MARCHF8: variants seen among roughly 807,000 people sequenced by gnomAD.
MARCHF8 encodes membrane associated ring-CH-type finger 8.
MARCHF8 carries 40 observed loss-of-function variants against 51.6 expected under a neutral mutation model. That is an observed-to-expected ratio of 0.77 (90% CI 0.60 to 1.01). The LOEUF (loss-of-function observed/expected upper bound fraction) is 1.01, where lower values mean the gene tolerates loss of function less well. Ranked by LOEUF, MARCHF8 falls within the 50% of genes least tolerant of loss-of-function variation. The probability of loss-of-function intolerance (pLI) is 0.00; values close to 1 mark genes in which losing one functional copy is unlikely to be tolerated. For missense variants in MARCHF8, 685 were observed against 708.6 expected, an observed-to-expected ratio of 0.97 and a Z score of 0.38; for synonymous variants, 263 against 280.3, an observed-to-expected ratio of 0.94 and a Z score of 0.62.
At position 45,459,196 on chromosome 10, in the gene MARCHF8, G is replaced by A; in HGVS notation, c.1341C>T (p.Ala447=). The change falls in exon 7 of 8, where the codon GCC becomes GCT. Residue 447 remains alanine (A), a synonymous_variant. Coordinates refer to ENST00000453424, the MANE Select transcript of MARCHF8 (RefSeq NM_001282866.2). ...ACAAGGACCAGACCACACATGTGATGGCAATGACGTGGAATGTCACTGAGC... is the reference window on the plus strand; with the variant it reads ...ACAAGGACCAGACCACACATGTGATAGCAATGACGTGGAATGTCACTGAGC... The part of the protein sequence containing the change: ...IMCSVTFHVI[A]ITCVVWSLYV... The A allele has an allele frequency of 6.2e-7, 1 of 1,614,058 alleles. No individual in the cohort carries two copies. The highest frequency in any genetic ancestry group is 8.5e-7 in the Non-Finnish European group (1 of 1,180,002).
In MARCHF8 at chr10:45,506,341, A is replaced by C. The variant is rs148523068; in HGVS notation, c.103-16924T>G. On this transcript the variant is annotated intron_variant, in intron 2 of 7. Coordinates refer to ENST00000453424, the MANE Select transcript of MARCHF8 (RefSeq NM_001282866.2). ...ATATTAAGTATAAGCATAGACTTTT[A>C]TTCTATTTGGGTACGTCATTCATAA... is the stretch of plus-strand genomic sequence containing the variant. Among the ~76,000 whole-genome samples the C allele has an allele frequency of 3.1e-3, 473 of 152,322 alleles. 1 individual carries two copies. Among genetic ancestry groups the C allele is most frequent in the African/African-American group, 0.011 (455 of 41,582 alleles).
At chr10:45,519,887 G>A (rs1216941822) in intron 2 of MARCHF8, among the ~76,000 whole-genome samples, 3 of 152,024 alleles carry the variant, frequency 2.0e-5, no homozygotes, top group African/African-American at 4.8e-5. Flanking sequence ...GAGCAAAGTC[G>A]GCAAAAGGAG....
intron 1 of MARCHF8, among the ~76,000 whole-genome samples, chr10:45,583,189 T>C (rs998709232): frequency 1.3e-5 from 2 of 152,180 alleles, no homozygotes; most frequent in African/African-American, 2.4e-5. Flanking sequence ...AATTTCAACA[T>C]TAATTTTAAG....
At chr10:45,496,696 G>C (rs1390354350) in intron 2 of MARCHF8, among the ~76,000 whole-genome samples, 2 of 152,020 alleles carry the variant, frequency 1.3e-5, no homozygotes, top group Non-Finnish European at 1.5e-5. Flanking sequence ...TAAAGAAATA[G>C]AGGTACATAG....
chr10:45,572,431 TAA>T (rs2044441339), intron 1 of MARCHF8, among the ~76,000 whole-genome samples: 1 of 152,136 alleles, frequency 6.6e-6, no homozygotes, highest in African/African-American at 2.4e-5. Context: ...ACACCTGACC[TAA>T]AACCTAAATG....
chr10:45,581,229 G>A lies in MARCHF8; in HGVS notation c.-79+13006C>T, dbSNP rs560353936. 3.9e-4 allele frequency among the ~76,000 whole-genome samples: 60 copies of A among 152,242 alleles called. 1 individual carries two copies. In the South Asian group the frequency reaches 0.012, roughly 32 times the overall value. On this transcript the variant is annotated intron_variant, in intron 1 of 6. Coordinates refer to the MARCHF8 transcript ENST00000319836. ...CACCTAGTAGGAAGAGGCCAGGGAT[G>A]CTACTGAACATCCTACAATACACAG...
intron 3 of MARCHF8, among the ~76,000 whole-genome samples, chr10:45,475,995 T>C (rs906794708): frequency 6.6e-6 from 1 of 152,104 alleles, no homozygotes; most frequent in Non-Finnish European, 1.5e-5. Flanking sequence ...ACAGAGACTA[T>C]ACTACTGCAC....
At chr10:45,572,055 G>A (rs1320022826) in intron 1 of MARCHF8, among the ~76,000 whole-genome samples, 1 of 152,280 alleles carries the variant, frequency 6.6e-6, no homozygotes, top group East Asian at 1.9e-4. Flanking sequence ...AGGGACACCT[G>A]CTTTGGCTGC....
chr10:45,500,003 G>A (rs189416668), intron 2 of MARCHF8, among the ~76,000 whole-genome samples: 32 of 152,208 alleles, frequency 2.1e-4, no homozygotes, highest in African/African-American at 6.3e-4. Flanking sequence ...GGATTATACC[G>A]AATATACAGA....
chr10:45,517,244 C>G (rs2043634542), intron 2 of MARCHF8, among the ~76,000 whole-genome samples: 1 of 152,182 alleles, frequency 6.6e-6, no homozygotes, highest in Non-Finnish European at 1.5e-5. Flanking sequence ...TTAGGGCCTC[C>G]TTCCATTCCC....
At chr10:45,554,836 C>T (rs1454951307) in intron 1 of MARCHF8, among the ~76,000 whole-genome samples, 2 of 152,206 alleles carry the variant, frequency 1.3e-5, no homozygotes, top group Non-Finnish European at 2.9e-5. Context: ...TAGCGGATTG[C>T]CTGAGGTCAA....
intron 1 of MARCHF8, among the ~76,000 whole-genome samples, chr10:45,551,343 A>G (rs2044192275): frequency 1.3e-5 from 2 of 152,298 alleles, no homozygotes; most frequent in South Asian, 4.1e-4. Flanking sequence ...AGATACACAG[A>G]AAGGATACCA....
At chr10:45,511,802 G>A (rs1196197035) in intron 2 of MARCHF8, among the ~76,000 whole-genome samples, 2 of 152,094 alleles carry the variant, frequency 1.3e-5, no homozygotes, top group African/African-American at 4.8e-5. Context: ...CCAAAGTGCC[G>A]AGATTGCAGC....
intron 3 of MARCHF8, among the ~76,000 whole-genome samples, chr10:45,474,018 T>C (rs186660074): frequency 4.6e-5 from 7 of 152,300 alleles, no homozygotes; most frequent in African/African-American, 1.7e-4. Context: ...TGTAATTCTC[T>C]ACCTAAGCTC....
intron 2 of MARCHF8, among the ~76,000 whole-genome samples, chr10:45,523,087 TAC>T (rs1434341244): frequency 6.6e-6 from 1 of 152,196 alleles, no homozygotes; most frequent in African/African-American, 2.4e-5. Context: ...GAAAAAAATA[TAC>T]AGTCAGGCAT....
intron 2 of MARCHF8, among the ~76,000 whole-genome samples, chr10:45,504,208 G>A (rs897468083): frequency 1.3e-4 from 20 of 152,350 alleles, no homozygotes; most frequent in African/African-American, 4.3e-4. Flanking sequence ...CACTTTGGGA[G>A]GCCGAGACGG....
At chr10:45,511,999 T>C (rs1272260956) in intron 2 of MARCHF8, among the ~76,000 whole-genome samples, 1 of 141,280 alleles carries the variant, frequency 7.1e-6, no homozygotes, top group Non-Finnish European at 1.5e-5. Flanking sequence ...ATCTAGGAAG[T>C]GAGGAGCGCC....
chr10:45,563,803 C>T (rs924765211), intron 1 of MARCHF8, among the ~76,000 whole-genome samples: 6 of 151,740 alleles, frequency 4.0e-5, no homozygotes, highest in African/African-American at 1.5e-4. Flanking sequence ...TAAGACATAC[C>T]CAATGAATAG....
intron 1 of MARCHF8, among the ~76,000 whole-genome samples, chr10:45,568,301 T>C (rs2044387387): frequency 1.3e-5 from 2 of 152,210 alleles, no homozygotes; most frequent in African/African-American, 4.8e-5. Context: ...GGACTTCTAG[T>C]ACTGCATTGA....
Sources: gnomAD v4.1 joint callset for allele counts (sites outside exome capture counted in the v4.1 genomes callset) on GRCh38, gnomAD v4.1.1 for gene constraint, MANE v1.5 for transcripts, NCBI Gene and HGNC (gene_info 2026-07-23, HGNC 2026-07-21) for gene names.